TANC2: variants seen among roughly 807,000 people sequenced by gnomAD.
The protein encoded by TANC2 is protein TANC2.
Under a neutral mutation model 210.5 loss-of-function variants are expected in TANC2, and 26 were observed. That is an observed-to-expected ratio of 0.12 (90% confidence interval 0.09 to 0.17). The LOEUF (loss-of-function observed/expected upper bound fraction) is 0.17. TANC2 is among the 10% of genes least tolerant of loss of function. The pLI, the probability that TANC2 is intolerant of heterozygous loss-of-function variation, is 1.00. For missense variants in TANC2, 2,129 were observed against 2,608.9 expected, an observed-to-expected ratio of 0.82 and a Z score of 4.01; for synonymous variants, 931 against 967.1, an observed-to-expected ratio of 0.96 and a Z score of 0.69.
At position 63,241,568 on chromosome 17, in the gene TANC2, T is replaced by A. The variant is rs114608323; in HGVS notation, c.1033+3491T>A. Among the ~76,000 whole-genome samples, 1,286 of 152,306 alleles carry A rather than the reference T, an allele frequency of 8.4e-3. 15 individuals are homozygous for A. The highest frequency in any genetic ancestry group is 0.028 in the African/African-American group (1,177 of 41,558). ...TTGCTCTACCACAACAGAGTTCAGT[T>A]GTTGGAACAGAGATCATAAGCTATA... On this transcript the variant is annotated intron_variant, in intron 8 of 27. Coordinates refer to ENST00000689528, the Ensembl canonical transcript of TANC2.
chr17:63,127,569 T>C (rs1038069805), intron 4 of TANC2, among the ~76,000 whole-genome samples: 1 of 152,206 alleles, frequency 6.6e-6, no homozygotes, highest in Non-Finnish European at 1.5e-5. Context: ...GTAGAAATGA[T>C]TTCTTTATGA....
rs183434544 is a variant in TANC2 at position 63,183,455 on chromosome 17, T to A, written c.434-10536T>A. Among the ~76,000 whole-genome samples the A allele has an allele frequency of 4.3e-4, 66 of 152,342 alleles. No homozygotes were observed. In the East Asian group the frequency reaches 0.012, roughly 28 times the overall value. ...ATAAAGGATGTTTTCTAGTTGTGGA[T>A]GAATGCTAGCAACTTAGTTTTGACA... On this transcript the variant is annotated intron_variant, in intron 5 of 27. Coordinates refer to ENST00000689528, the Ensembl canonical transcript of TANC2.
At chr17:63,161,811 A>G (rs2040035993) in intron 5 of TANC2, among the ~76,000 whole-genome samples, 2 of 152,122 alleles carry the variant, frequency 1.3e-5, no homozygotes, top group African/African-American at 4.8e-5. Context: ...GTGTACATCC[A>G]CCGATTAGTA....
intron 9 of TANC2, among the ~76,000 whole-genome samples, chr17:63,282,416 A>G (rs2044086569): frequency 6.6e-6 from 1 of 152,082 alleles, no homozygotes; most frequent in African/African-American, 2.4e-5. Flanking sequence ...ACAACTTACC[A>G]AAACTAACAC....
chr17:63,004,686 C>T, intron 1 of TANC2: 1 of 308,354 alleles, frequency 3.2e-6, no homozygotes, highest in Non-Finnish European at 6.3e-6. Context: ...CAGAGGTCCA[C>T]AGTTGTCAAA....
At chr17:63,376,668 G>A (rs1037760578) in intron 14 of TANC2, among the ~76,000 whole-genome samples, 3 of 152,284 alleles carry the variant, frequency 2.0e-5, no homozygotes, top group South Asian at 2.1e-4. Flanking sequence ...TGTTTGATTG[G>A]ATGAATTAAC....
At chr17:63,419,285 C>T (rs1243177499) in intron 27 of TANC2, among the ~76,000 whole-genome samples, 4 of 152,226 alleles carry the variant, frequency 2.6e-5, no homozygotes, top group Non-Finnish European at 4.4e-5. Context: ...AATTCTCCTT[C>T]CCTCTGGGTA....
At chr17:63,079,105 A>G (rs976732680) in intron 3 of TANC2, among the ~76,000 whole-genome samples, 2 of 152,168 alleles carry the variant, frequency 1.3e-5, no homozygotes, top group Non-Finnish European at 2.9e-5. Context: ...CTCTTCAGCT[A>G]TAGCTGCTGG....
intron 7 of TANC2, among the ~76,000 whole-genome samples, chr17:63,221,164 A>C (rs954840612): frequency 6.6e-6 from 1 of 152,106 alleles, no homozygotes; most frequent in African/African-American, 2.4e-5. Flanking sequence ...AAGGCCTGGC[A>C]CGGTGGCTCA....
intron 6 of TANC2, among the ~76,000 whole-genome samples, chr17:63,195,940 C>T (rs530376651): frequency 6.6e-5 from 10 of 152,116 alleles, no homozygotes; most frequent in African/African-American, 1.4e-4. Flanking sequence ...CCTTGTCGTT[C>T]GCCAGTCACA....
chr17:63,296,515 A>T (rs2044541150), intron 9 of TANC2, among the ~76,000 whole-genome samples: 1 of 152,242 alleles, frequency 6.6e-6, no homozygotes, highest in African/African-American at 2.4e-5. Context: ...ATGACAAGGC[A>T]TACACAGAAA....
chr17:63,037,097 A>C (rs2035003836), intron 2 of TANC2, among the ~76,000 whole-genome samples: 1 of 152,160 alleles, frequency 6.6e-6, no homozygotes, highest in South Asian at 2.1e-4. Flanking sequence ...AGCAAATATA[A>C]ATGTGGTCTT....
At chr17:63,055,882 G>A (rs949745332) in intron 2 of TANC2, among the ~76,000 whole-genome samples, 4 of 144,370 alleles carry the variant, frequency 2.8e-5, no homozygotes, top group African/African-American at 5.1e-5. Context: ...CAGTGCTTAC[G>A]CCTGGGAGAC....
At chr17:63,045,482 CAG>C (rs1568341022) in intron 2 of TANC2, among the ~76,000 whole-genome samples, 1 of 152,134 alleles carries the variant, frequency 6.6e-6, no homozygotes, top group Non-Finnish European at 1.5e-5. Context: ...TTTCTTTACT[CAG>C]AGACTACAAA....
intron 2 of TANC2, among the ~76,000 whole-genome samples, chr17:63,064,322 G>A (rs2036115875): frequency 6.6e-6 from 1 of 152,104 alleles, no homozygotes; most frequent in Admixed American, 6.6e-5. Context: ...TTAGCCAGCT[G>A]TCTTGGTGTG....
At chr17:62,989,927 C>T (rs1598200143) in intron 1 of TANC2, among the ~76,000 whole-genome samples, 2 of 152,026 alleles carry the variant, frequency 1.3e-5, no homozygotes, top group East Asian at 3.9e-4. Flanking sequence ...CGCACCGCCA[C>T]ACCTGGCTAA....
At chr17:63,104,082 AT>A (rs1464768510) in intron 4 of TANC2, among the ~76,000 whole-genome samples, 1 of 152,174 alleles carries the variant, frequency 6.6e-6, no homozygotes, top group Non-Finnish European at 1.5e-5. Flanking sequence ...ATCAATTAAG[AT>A]TTTTATTGTT....
intron 4 of TANC2, among the ~76,000 whole-genome samples, chr17:63,137,134 C>T (rs1208469906): frequency 1.3e-5 from 2 of 151,726 alleles, no homozygotes; most frequent in Admixed American, 6.6e-5. Context: ...TGTTAAAAAC[C>T]TGGAGCATTC....
intron 5 of TANC2, among the ~76,000 whole-genome samples, chr17:63,184,113 T>C (rs1036400745): frequency 3.3e-5 from 5 of 152,186 alleles, no homozygotes; most frequent in Non-Finnish European, 7.4e-5. Flanking sequence ...ATTTAAAACA[T>C]AACATATTTC....
Sources: gnomAD v4.1 joint callset for allele counts (sites outside exome capture counted in the v4.1 genomes callset) on GRCh38, gnomAD v4.1.1 for gene constraint, MANE v1.5 for transcripts, NCBI Gene and HGNC (gene_info 2026-07-23, HGNC 2026-07-21) for gene names.